COLQ: variants seen among roughly 807,000 people sequenced by gnomAD.
COLQ encodes the protein acetylcholinesterase collagenic tail peptide.
Under a neutral mutation model 69.0 loss-of-function variants are expected in COLQ, and 48 were observed. That is an observed-to-expected ratio of 0.70 (90% confidence interval 0.55 to 0.88). The LOEUF (loss-of-function observed/expected upper bound fraction) is 0.88. Among genes scored for constraint, COLQ ranks in the 40% least tolerant of loss-of-function variants. The pLI is 0.00. For synonymous variants in COLQ, 217 were observed against 211.2 expected (o/e 1.03, Z -0.24); for missense variants, 618 against 594.6 (o/e 1.04, Z -0.41).
chr3:15,473,392 A>G lies in COLQ; in HGVS notation c.636+608T>C, dbSNP rs1236762654. 6.6e-6 allele frequency among the ~76,000 whole-genome samples: 1 copy of G among 152,234 alleles called. No homozygotes were observed. The highest frequency in any genetic ancestry group is 2.4e-5 in the African/African-American group (1 of 41,466). ...AGGCTAGTCTCGAACTCCTGGGTTCAAGCCATCTGCCCACCTCGGCCTCCC... is the reference window on the plus strand; with the variant it reads ...AGGCTAGTCTCGAACTCCTGGGTTCGAGCCATCTGCCCACCTCGGCCTCCC... On this transcript the variant is annotated intron_variant, in intron 10 of 16. Transcript: ENST00000383788. The surrounding 1 kb of genome is among the most constrained non-coding windows in gnomAD (Gnocchi z 4.0).
At chr3:15,469,404 T>A (rs904351656) in intron 11 of COLQ, among the ~76,000 whole-genome samples, 1 of 152,232 alleles carries the variant, frequency 6.6e-6, no homozygotes, top group African/African-American at 2.4e-5. Flanking sequence ...TTCTCCCCCA[T>A]ATTTTTCCTT....
intron 1 of COLQ, among the ~76,000 whole-genome samples, chr3:15,490,951 T>G (rs899056634): frequency 3.3e-5 from 5 of 152,146 alleles, no homozygotes; most frequent in Non-Finnish European, 7.3e-5. Context: ...AGGTTCTGAC[T>G]CCAAGCTTGA....
At chr3:15,482,622 T>C (rs2062507879) in intron 3 of COLQ, among the ~76,000 whole-genome samples, 1 of 152,260 alleles carries the variant, frequency 6.6e-6, no homozygotes, top group Non-Finnish European at 1.5e-5. Context: ...CAGTATTTTA[T>C]TGAGGATTTT....
At chr3:15,513,081 A>T (rs1201728301) in intron 1 of COLQ, among the ~76,000 whole-genome samples, 2 of 152,162 alleles carry the variant, frequency 1.3e-5, no homozygotes, top group Non-Finnish European at 2.9e-5. Context: ...CTACCTTGTG[A>T]CATTGTTGTG....
intron 1 of COLQ, among the ~76,000 whole-genome samples, chr3:15,497,139 G>T (rs1006258354): frequency 2.7e-5 from 4 of 150,280 alleles, no homozygotes; most frequent in Non-Finnish European, 5.9e-5. Context: ...CGCCTCCAGG[G>T]TTCAAGCCAC....
intron 3 of COLQ, among the ~76,000 whole-genome samples, chr3:15,487,563 C>T (rs1396532491): frequency 2.0e-5 from 3 of 152,240 alleles, no homozygotes; most frequent in African/African-American, 7.2e-5. Context: ...CTGCTCCTTA[C>T]ACCCTCTTTC....
At chr3:15,498,525 C>T (rs368094947) in intron 1 of COLQ, 46 of 1,551,624 alleles carry the variant, frequency 3.0e-5, no homozygotes, top group East Asian at 1.2e-4. Context: ...AGCAGCCTGC[C>T]GAGTAACAGA....
chr3:15,465,776 T>A (rs112689126), intron 12 of COLQ, among the ~76,000 whole-genome samples: 1 of 151,794 alleles, frequency 6.6e-6, no homozygotes, highest in Non-Finnish European at 1.5e-5. Context: ...TATTTTTGTA[T>A]TTTAGCAAAA....
chr3:15,494,375 A>C (rs1485515353), intron 1 of COLQ, among the ~76,000 whole-genome samples: 2 of 152,146 alleles, frequency 1.3e-5, no homozygotes, highest in Non-Finnish European at 2.9e-5. Flanking sequence ...GGAGGGAAGA[A>C]GCAGGAAGAA....
intron 1 of COLQ, among the ~76,000 whole-genome samples, chr3:15,505,907 C>A (rs536725699): frequency 1.2e-4 from 19 of 152,330 alleles, no homozygotes; most frequent in South Asian, 1.0e-3. Context: ...AACCACCTGG[C>A]TCACTTATTC....
intron 1 of COLQ, among the ~76,000 whole-genome samples, chr3:15,507,532 G>A (rs1313255658): frequency 6.6e-6 from 1 of 152,042 alleles, no homozygotes; most frequent in African/African-American, 2.4e-5. Context: ...ACAGTTCACT[G>A]CAGCCTTGAC....
chr3:15,515,639 C>G (rs2063050955), intron 1 of COLQ, among the ~76,000 whole-genome samples: 1 of 152,072 alleles, frequency 6.6e-6, no homozygotes, highest in Non-Finnish European at 1.5e-5. Flanking sequence ...GAAACCCCGT[C>G]TCTACTAAAA....
In COLQ at chr3:15,451,400, T is replaced by C; in HGVS notation, c.*244A>G. On this transcript the variant is annotated 3_prime_UTR_variant, in exon 17 of 17. Coordinates refer to ENST00000383788, the MANE Select transcript of COLQ (RefSeq NM_005677.4). ...CGGTTGTTTGGCCAAATGGTAGCGA[T>C]GGGGAACAGGTCTCAGGTTGGGCAT... 1.5e-6 allele frequency: 1 copy of C among 653,408 alleles called. No homozygotes were observed. The highest frequency in any genetic ancestry group is 1.8e-5 in the South Asian group (1 of 56,948). 40.5% of individuals were successfully genotyped at this position (653,408 alleles called of 1,614,324 possible). A position where few individuals can be genotyped will look rare whatever the true frequency, so the allele number is the denominator to read the frequency against.
intron 1 of COLQ, among the ~76,000 whole-genome samples, chr3:15,517,919 G>A (rs1294157966): frequency 6.6e-6 from 1 of 152,118 alleles, no homozygotes; most frequent in Non-Finnish European, 1.5e-5. Context: ...ACAGAGCAGA[G>A]GCTCTAGAGG....
chr3:15,506,327 G>C (rs2062910449), intron 1 of COLQ, among the ~76,000 whole-genome samples: 1 of 152,086 alleles, frequency 6.6e-6, no homozygotes, highest in Non-Finnish European at 1.5e-5. Context: ...TTGTACAGAT[G>C]GTGTTTTGTT....
chr3:15,468,144 T>C (rs1353475577), intron 11 of COLQ, among the ~76,000 whole-genome samples: 1 of 152,146 alleles, frequency 6.6e-6, no homozygotes, highest in East Asian at 1.9e-4. Context: ...GAAATGCTCC[T>C]TCATTCTGAC....
In COLQ at chr3:15,474,382, G is replaced by T. The variant is rs1200860920; in HGVS notation, c.556-110C>A. On this transcript the variant is annotated intron_variant, in intron 8 of 16. Transcript: ENST00000383788. ...CCAAAACCCTCATTTTACAAGTGAAGAAATAGGCTCAGATATGTCAGGTGA... is the reference window on the plus strand; with the variant it reads ...CCAAAACCCTCATTTTACAAGTGAATAAATAGGCTCAGATATGTCAGGTGA... 4.5e-6 allele frequency: 5 copies of T among 1,117,998 alleles called. No homozygotes were observed. The Admixed American group carries it at 8.5e-5, about 19-fold the overall frequency. The allele number at this position is 1,117,998 out of a possible 1,614,324, so 69.3% of individuals were successfully genotyped here.
At position 15,477,162 on chromosome 3, in the gene COLQ, A is replaced by G. The variant is rs775589975; in HGVS notation, c.429T>C (p.Pro143=). ...RPGPPGVPGM[P]GPIGWPGPEG... ...CAGGGCCTGGCCAACCGATGGGCCC[A>G]GGCATGCCAGGAACACCTGGGGGGC... Residue 143 remains proline (P), a synonymous_variant, in exon 6 of 17, where the codon CCT becomes CCC. Coordinates refer to ENST00000383788, the MANE Select transcript of COLQ (RefSeq NM_005677.4). The G allele has an allele frequency of 2.5e-6, 4 of 1,607,104 alleles. No individual in the cohort carries two copies. In the East Asian group the frequency reaches 6.7e-5, roughly 27 times the overall value.
intron 11 of COLQ, among the ~76,000 whole-genome samples, chr3:15,468,765 A>G (rs1379205860): frequency 6.6e-6 from 1 of 152,190 alleles, no homozygotes; most frequent in Non-Finnish European, 1.5e-5. Context: ...TCTGGATTCT[A>G]ATCCTGGCTT....
Sources: gnomAD v4.1 joint callset for allele counts (sites outside exome capture counted in the v4.1 genomes callset) on GRCh38, gnomAD v4.1.1 for gene constraint, Gnocchi (gnomAD v3.1) non-coding constraint, MANE v1.5 for transcripts, NCBI Gene and HGNC (gene_info 2026-07-23, HGNC 2026-07-21) for gene names.